SETBP1: variants seen among roughly 807,000 people sequenced by gnomAD.
SETBP1 encodes SET-binding protein.
A neutral mutation model predicts 101.0 loss-of-function variants in SETBP1; 9 were observed. The ratio of observed to expected loss-of-function variants is 0.09; its 90% CI spans 0.05 to 0.16. SETBP1 has a LOEUF of 0.16. Ranked by LOEUF, SETBP1 falls within the 10% of genes least tolerant of loss-of-function variation. SETBP1 has a pLI of 1.00. For synonymous variants in SETBP1, 818 were observed against 788.5 expected (o/e 1.04, Z -0.63); for missense variants, 1,858 against 2,033.8 (o/e 0.91, Z 1.66).
At chr18:44,766,309 T>TTA (rs1305389769) in intron 2 of SETBP1, among the ~76,000 whole-genome samples, 2 of 152,224 alleles carry the variant, frequency 1.3e-5, no homozygotes, top group Non-Finnish European at 2.9e-5. Context: ...TAACTTCTTG[T>TTA]AGTCTTGATT....
chr18:44,819,369 A>T (rs1226077870), intron 2 of SETBP1, among the ~76,000 whole-genome samples: 1 of 151,998 alleles, frequency 6.6e-6, no homozygotes, highest in East Asian at 1.9e-4. Flanking sequence ...TATCCTTTTC[A>T]TCCTCCCTCT....
At chr18:44,790,180 C>G (rs1353396585) in intron 2 of SETBP1, among the ~76,000 whole-genome samples, 1 of 151,970 alleles carries the variant, frequency 6.6e-6, no homozygotes, top group East Asian at 1.9e-4. Context: ...TACTTTTGCT[C>G]CAGAAAGGAG....
chr18:45,035,228 G>C (rs1231664024), intron 4 of SETBP1, among the ~76,000 whole-genome samples: 1 of 152,100 alleles, frequency 6.6e-6, no homozygotes, highest in Non-Finnish European at 1.5e-5. Context: ...GTTATTTCTA[G>C]GATTGTTTCC....
At chr18:44,852,717 G>A (rs1161658890) in intron 2 of SETBP1, among the ~76,000 whole-genome samples, 1 of 152,120 alleles carries the variant, frequency 6.6e-6, no homozygotes, top group Non-Finnish European at 1.5e-5. Context: ...GGCTTTTCCT[G>A]GGTGCCTTTG....
intron 3 of SETBP1, among the ~76,000 whole-genome samples, chr18:44,898,633 G>C (rs2069964274): frequency 6.6e-6 from 1 of 152,146 alleles, no homozygotes; most frequent in Non-Finnish European, 1.5e-5. Context: ...CAGTCTTCAT[G>C]AAAGGGCTTC....
intron 4 of SETBP1, among the ~76,000 whole-genome samples, chr18:45,035,002 C>A (rs190022737): frequency 1.3e-5 from 2 of 151,808 alleles, no homozygotes; most frequent in South Asian, 2.1e-4. Context: ...AAATGCCCCC[C>A]CCGCCCCCAA....
chr18:44,734,532 A>G (rs17710192), intron 2 of SETBP1, among the ~76,000 whole-genome samples: 4,712 of 152,276 alleles, frequency 0.031, 82 homozygotes, highest in Middle Eastern at 0.088. Flanking sequence ...ATCTCTTACC[A>G]GTTTCTGACT....
At chr18:44,821,786 G>A (rs1445351485) in intron 2 of SETBP1, among the ~76,000 whole-genome samples, 1 of 152,210 alleles carries the variant, frequency 6.6e-6, no homozygotes, top group African/African-American at 2.4e-5. Flanking sequence ...GCAGGTTTCA[G>A]TTGAGTATTC....
At chr18:44,868,328 T>C (rs907624293) in intron 2 of SETBP1, among the ~76,000 whole-genome samples, 5 of 152,000 alleles carry the variant, frequency 3.3e-5, no homozygotes, top group Non-Finnish European at 7.4e-5. Context: ...AAAGGGAAAC[T>C]GAGTCACATG....
intron 2 of SETBP1, among the ~76,000 whole-genome samples, chr18:44,832,776 T>A (rs1280251491): frequency 6.6e-6 from 1 of 152,180 alleles, no homozygotes; most frequent in Non-Finnish European, 1.5e-5. Flanking sequence ...GGTCCCTGAA[T>A]GAGAAACAGC....
chr18:44,895,752 T>C (rs1173354659), intron 3 of SETBP1, among the ~76,000 whole-genome samples: 1 of 152,168 alleles, frequency 6.6e-6, no homozygotes, highest in Non-Finnish European at 1.5e-5. Context: ...TTAACAATGT[T>C]GGGTTTAGCA....
intron 5 of SETBP1, among the ~76,000 whole-genome samples, chr18:45,062,800 A>G (rs969204920): frequency 1.3e-5 from 2 of 152,222 alleles, no homozygotes; most frequent in African/African-American, 4.8e-5. Context: ...CTCAGTTTCC[A>G]CATCTTTACA....
At chr18:44,750,243 A>C (rs193198825) in intron 2 of SETBP1, among the ~76,000 whole-genome samples, 126 of 152,330 alleles carry the variant, frequency 8.3e-4, no homozygotes, top group African/African-American at 3.0e-3. Flanking sequence ...GGAAGTCTAC[A>C]TTCAAGGTGG....
intron 4 of SETBP1, among the ~76,000 whole-genome samples, chr18:44,996,079 T>TA (rs2072492219): frequency 6.6e-6 from 1 of 152,210 alleles, no homozygotes; most frequent in Non-Finnish European, 1.5e-5. Flanking sequence ...AAAAACCCAA[T>TA]ACAGGGTTTA....
At chr18:44,737,355 A>G (rs536836987) in intron 2 of SETBP1, among the ~76,000 whole-genome samples, 2 of 152,304 alleles carry the variant, frequency 1.3e-5, no homozygotes, top group South Asian at 2.1e-4. Flanking sequence ...GATGCCCAGT[A>G]TTTGGTTACC....
intron 5 of SETBP1, among the ~76,000 whole-genome samples, chr18:45,047,978 A>T (rs2073645860): frequency 6.6e-6 from 1 of 152,210 alleles, no homozygotes; most frequent in Non-Finnish European, 1.5e-5. Flanking sequence ...AACAGACTAG[A>T]CAAACCTGGA....
intron 3 of SETBP1, among the ~76,000 whole-genome samples, chr18:44,892,054 A>G (rs2069784346): frequency 6.6e-6 from 1 of 152,298 alleles, no homozygotes; most frequent in South Asian, 2.1e-4. Flanking sequence ...ATTAAGCTCA[A>G]ATGTCTTATA....
intron 3 of SETBP1, among the ~76,000 whole-genome samples, chr18:44,933,025 T>G (rs1486452734): frequency 6.6e-6 from 1 of 152,202 alleles, no homozygotes; most frequent in Non-Finnish European, 1.5e-5. Context: ...GGAGAAGAGG[T>G]GCTCTGATTT....
chr18:44,923,135 C>A (rs2144943443), intron 3 of SETBP1, among the ~76,000 whole-genome samples: 1 of 152,286 alleles, frequency 6.6e-6, no homozygotes, highest in African/African-American at 2.4e-5. Context: ...TCAGGGATCA[C>A]CTCATCTGAC....
Sources: allele counts gnomAD v4.1 joint callset (sites outside exome capture counted in the v4.1 genomes callset), GRCh38; gene constraint gnomAD v4.1.1; transcripts MANE v1.5; gene names NCBI Gene and HGNC (gene_info 2026-07-23, HGNC 2026-07-21).